The following NKD2 variants were observed in gnomAD, a reference collection of about 807,000 sequenced individuals.
The protein encoded by NKD2 is NKD inhibitor of Wnt signaling pathway 2.
Under a neutral mutation model 34.8 loss-of-function variants are expected in NKD2, and 43 were observed. The ratio of observed to expected loss-of-function variants is 1.24; its 90% confidence interval spans 0.97 to 1.60. The LOEUF (loss-of-function observed/expected upper bound fraction) is 1.60, where lower values mean the gene tolerates loss of function less well. NKD2 is among the 40% of genes most tolerant of loss of function. The pLI is 0.00. For missense variants in NKD2, 675 were observed against 627.1 expected, an observed-to-expected ratio of 1.08 and a Z score of -0.82; for synonymous variants, 278 against 265.1, an observed-to-expected ratio of 1.05 and a Z score of -0.47.
chr5:1,035,082 A>C (rs1007150451), intron 7 of NKD2, among the ~76,000 whole-genome samples, 179 bp downstream of exon 7: 1 of 152,210 alleles, frequency 6.6e-6, no homozygotes, highest in Admixed American at 6.5e-5. Flanking sequence ...GTGAGTAAGC[A>C]GATTAATGAA....
Position 1,038,250 on chromosome 5 carries a change from G to A in NKD2, c.1233G>A (p.Val411=), listed in dbSNP as rs766611098. 5.7e-6 allele frequency: 9 copies of A among 1,585,124 alleles called. No individual in the cohort carries two copies. The highest frequency in any genetic ancestry group is 4.0e-5 in the African/African-American group (3 of 74,566). ...CTGCCACAGTGGAGCACGAGGTGGTGCGGGACCTGCCGCCCACGCCAGCAG... is the reference window on the plus strand; with the variant it reads ...CTGCCACAGTGGAGCACGAGGTGGTACGGGACCTGCCGCCCACGCCAGCAG... ...AQPATVEHEV[V]RDLPPTPAGE... Residue 411 remains valine, a synonymous_variant, in exon 10 of 10, where the codon GTG becomes GTA. Transcript: ENST00000296849. The surrounding 1 kb of genome is among the most constrained non-coding windows in gnomAD (Gnocchi z 4.5).
chr5:1,009,071 A>T lies in NKD2; in HGVS notation c.14A>T (p.Gln5Leu). The stretch of plus-strand genomic sequence containing the variant: ...GTGGCGGCGGCGATGGGGAAACTGC[A>T]GTCGAAGCACGGTGAGCCGCGGGCC... MGKL[Q>L]SKHAAAARKR... Residue 5 changes from glutamine to leucine, a missense_variant, in exon 1 of 10, where the codon CAG (glutamine) becomes CTG (leucine). Gln to Leu is a moderately radical substitution (Grantham distance 113). Transcript: ENST00000296849. The surrounding 1 kb of genome is among the most constrained non-coding windows in gnomAD (Gnocchi z 6.9). The T allele has an allele frequency of 2.9e-6, 1 of 339,160 alleles. No individual in the cohort carries two copies. The highest frequency in any genetic ancestry group is 5.0e-5 in the South Asian group (1 of 19,966). 21.0% of individuals were successfully genotyped at this position (339,160 alleles called of 1,614,324 possible).
intron 3 of NKD2, among the ~76,000 whole-genome samples, chr5:1,020,984 C>T (rs944105967): frequency 3.9e-5 from 6 of 152,098 alleles, no homozygotes; most frequent in Admixed American, 2.6e-4. Flanking sequence ...GGCACCTCCA[C>T]GTTTTCCCAT....
chr5:1,020,538 A>G (rs1468872272), intron 3 of NKD2, among the ~76,000 whole-genome samples: 4 of 152,088 alleles, frequency 2.6e-5, no homozygotes, highest in East Asian at 1.9e-4. Context: ...TGGCGCTCAC[A>G]GCTTCCCCCT....
intron 3 of NKD2, among the ~76,000 whole-genome samples, chr5:1,021,842 G>C (rs954864453): frequency 2.0e-5 from 3 of 152,052 alleles, no homozygotes; most frequent in Non-Finnish European, 2.9e-5. Flanking sequence ...TCCCAGCAGG[G>C]ATAAGGCGGA....
At chr5:1,034,454 G>A in intron 6 of NKD2, 124 bp downstream of exon 6, 1 of 824,062 alleles carries the variant, frequency 1.2e-6, no homozygotes, top group South Asian at 1.5e-5. Context: ...CCTCATGCCA[G>A]CTGGGCTTGC....
At chr5:1,036,648 G>T (rs983509498) in intron 9 of NKD2, 7 of 613,314 alleles carry the variant, frequency 1.1e-5, no homozygotes, top group Non-Finnish European at 2.1e-5. Context: ...GCGGATGCGG[G>T]GGTGCCTGGT....
chr5:1,036,229 G>C, intron 8 of NKD2, 28 bp from the exon 9 acceptor site: 1 of 1,562,722 alleles, frequency 6.4e-7, no homozygotes, highest in Non-Finnish European at 8.7e-7. Context: ...CTGTGCGGGG[G>C]TCAGGCCCTT....
intron 9 of NKD2, among the ~76,000 whole-genome samples, chr5:1,037,143 C>T (rs1032565878): frequency 1.3e-5 from 2 of 152,136 alleles, no homozygotes; most frequent in African/African-American, 2.4e-5. Flanking sequence ...TAGCTGGCAG[C>T]CTGCCCAGCA....
At position 1,038,029 on chromosome 5, in the gene NKD2, G is replaced by A. The variant is rs776447917; in HGVS notation, c.1012G>A (p.Gly338Arg). The A allele has an allele frequency of 1.4e-5, 23 of 1,608,976 alleles. 1 individual carries two copies. Among genetic ancestry groups the A allele is most frequent in the South Asian group, 6.6e-5 (6 of 90,882 alleles). Reference sequence around the variant, plus strand: ...GTTCCTCAAGTCCCCCAAGGGCTCCGGGAAGCCGCCTGGGGTGCCAGCCAG... The same window carrying A: ...GTTCCTCAAGTCCCCCAAGGGCTCCAGGAAGCCGCCTGGGGTGCCAGCCAG... ...KQFLKSPKGSGKPPGVPASSK... is the reference protein window; with the variant it reads ...KQFLKSPKGSRKPPGVPASSK... Residue 338 changes from glycine (G) to arginine (R), a missense_variant, in exon 10 of 10, where the codon GGG becomes AGG. Coordinates refer to ENST00000296849, the MANE Select transcript of NKD2 (RefSeq NM_033120.4). The surrounding 1 kb of genome is among the most constrained non-coding windows in gnomAD (Gnocchi z 4.5).
chr5:1,028,581 G>A (rs1756517357), intron 3 of NKD2, among the ~76,000 whole-genome samples: 3 of 152,164 alleles, frequency 2.0e-5, no homozygotes, highest in Admixed American at 2.0e-4. Flanking sequence ...GGGCGGGAGG[G>A]GACAACGGGC....
rs1184847602 is a variant in NKD2, at chr5:1,038,069, A to C, written c.1052A>C (p.Lys351Thr). The C allele has an allele frequency of 6.2e-7, 1 of 1,609,156 alleles. No individual in the cohort carries two copies. The highest frequency in any genetic ancestry group is 1.7e-5 in the Admixed American group (1 of 59,826). Residue 351 changes from lysine to threonine, a missense_variant, in exon 10 of 10, where the codon AAA (lysine) becomes ACA (threonine). Transcript: ENST00000296849. The surrounding 1 kb of genome is among the most constrained non-coding windows in gnomAD (Gnocchi z 4.5). ...GTGCCAGCCAGCAGCAAGTCCGGGA[A>C]AGCCTTCAGCTACTACCTGCCGGCC... ...PGVPASSKSGKAFSYYLPAVL... is the reference protein window; with the variant it reads ...PGVPASSKSGTAFSYYLPAVL...
At chr5:1,035,367 A>AGTG (rs1560999655) in intron 7 of NKD2, 22 bp from the exon 8 acceptor site, 3 of 1,546,516 alleles carry the variant, frequency 1.9e-6, no homozygotes, top group African/African-American at 2.7e-5. Context: ...GGGAGTGAGT[A>AGTG]ATGGCAGGAC....
rs544247383 is a variant in NKD2, at chr5:1,018,743, C to A, written c.141+9183C>A. Among the ~76,000 whole-genome samples, 10 of 152,212 alleles carry A rather than the reference C, an allele frequency of 6.6e-5. No homozygotes were observed. The East Asian group carries it at 1.2e-3, about 18-fold the overall frequency. On this transcript the variant is annotated intron_variant, in intron 3 of 9. Coordinates refer to ENST00000296849, the MANE Select transcript of NKD2 (RefSeq NM_033120.4). The stretch of plus-strand genomic sequence containing the variant: ...GGCCGGTGGTCAGGACCCTGCCAGG[C>A]CTTGCTTGGAGGCATCTTGTGTATG...
Position 1,038,395 on chromosome 5 carries a change from G to C in NKD2, c.*22G>C, listed in dbSNP as rs887884762. ...CTAGCGCCACTGCCAAGCACACCTC[G>C]CTCCCAGCACACCACAGCCCGCGAC... On this transcript the variant is annotated 3_prime_UTR_variant, in exon 10 of 10. Coordinates refer to ENST00000296849, the MANE Select transcript of NKD2 (RefSeq NM_033120.4). The surrounding 1 kb of genome is among the most constrained non-coding windows in gnomAD (Gnocchi z 4.5). The C allele has an allele frequency of 6.5e-7, 1 of 1,535,344 alleles. No homozygotes were observed. Among genetic ancestry groups the C allele is most frequent in the Non-Finnish European group, 8.7e-7 (1 of 1,146,740 alleles).
chr5:1,017,318 C>T (rs1755998343), intron 3 of NKD2, among the ~76,000 whole-genome samples: 2 of 152,242 alleles, frequency 1.3e-5, no homozygotes, highest in Admixed American at 6.5e-5. Flanking sequence ...GCTCAACTGT[C>T]CCGAGGGCGT....
In NKD2 at chr5:1,034,264, G is replaced by A; in HGVS notation, c.360G>A (p.Glu120=). ...TCCAGTGCGATGTCTCGGTGGAGGAGGACGACCGCCAGGAGTGGACGTTCA... is the reference window on the plus strand; with the variant it reads ...TCCAGTGCGATGTCTCGGTGGAGGAAGACGACCGCCAGGAGTGGACGTTCA... The part of the protein sequence containing the change: ...DALQCDVSVE[E]DDRQEWTFTL... Residue 120 remains glutamate (E), a synonymous_variant, in exon 6 of 10, where the codon GAG becomes GAA. Transcript: ENST00000296849. The A allele has an allele frequency of 6.2e-7, 1 of 1,610,958 alleles. No homozygotes were observed. Among genetic ancestry groups the A allele is most frequent in the Non-Finnish European group, 8.5e-7 (1 of 1,179,124 alleles).
intron 3 of NKD2, among the ~76,000 whole-genome samples, chr5:1,021,755 A>G (rs1697688224): frequency 2.0e-5 from 3 of 151,452 alleles, no homozygotes; most frequent in Admixed American, 1.3e-4. Flanking sequence ...GTAAGAAAAC[A>G]CTCTCTTCCG....
rs1423679154 is a variant in NKD2 at position 1,009,224 on chromosome 5, C to G, written c.61+10C>G. 1 of 505,230 alleles carries G rather than the reference C, an allele frequency of 2.0e-6. No individual in the cohort carries two copies. The allele number at this position is 505,230 out of a possible 1,614,324, so 31.3% of individuals were successfully genotyped here. On this transcript the variant is annotated intron_variant, in intron 2 of 9. Transcript: ENST00000296849. The surrounding 1 kb of genome is among the most constrained non-coding windows in gnomAD (Gnocchi z 6.9). ...AGAGAGAGCCCGGAAGGTGAGCGGG[C>G]GAGCCGACGGGCGGGGCGGGGGGCG...
Sources: gnomAD v4.1 joint callset for allele counts (sites outside exome capture counted in the v4.1 genomes callset) on GRCh38, gnomAD v4.1.1 for gene constraint, Gnocchi (gnomAD v3.1) non-coding constraint, MANE v1.5 for transcripts, NCBI Gene and HGNC (gene_info 2026-07-23, HGNC 2026-07-21) for gene names.